Variants in ANO1 observed in about 807,000 individuals in gnomAD.
The protein encoded by ANO1 is anoctamin 1.
In ANO1, 59 loss-of-function variants were observed where a neutral mutation model predicts 124.0. That is an observed-to-expected ratio of 0.48 (90% CI 0.39 to 0.59). ANO1 has a LOEUF of 0.59. ANO1 is among the 20% of genes least tolerant of loss of function. The pLI, the probability that ANO1 is intolerant of heterozygous loss-of-function variation, is 0.00. For missense variants in ANO1, 1,059 were observed against 1,328.0 expected, an observed-to-expected ratio of 0.80 and a Z score of 3.15; for synonymous variants, 529 against 532.0, an observed-to-expected ratio of 0.99 and a Z score of 0.08.
chr11:70,154,102 C>T (rs2047711094), intron 14 of ANO1, among the ~76,000 whole-genome samples: 1 of 152,094 alleles, frequency 6.6e-6, no homozygotes, highest in Non-Finnish European at 1.5e-5. Context: ...TGATGTGGGA[C>T]AAGCAGGCAT....
intron 1 of ANO1, among the ~76,000 whole-genome samples, chr11:69,988,002 A>G (rs1856081642): frequency 6.6e-6 from 1 of 152,130 alleles, no homozygotes; most frequent in South Asian, 2.1e-4. Context: ...TGTGGGTAGC[A>G]GCCGTGTCAG....
chr11:70,043,147 A>T (rs1168188362), intron 1 of ANO1, among the ~76,000 whole-genome samples: 2 of 152,246 alleles, frequency 1.3e-5, no homozygotes, highest in African/African-American at 2.4e-5. Context: ...TAAGGAAAAG[A>T]ATGAAAGCTA....
chr11:70,147,785 C>T (rs974600231), intron 11 of ANO1, among the ~76,000 whole-genome samples: 2 of 152,174 alleles, frequency 1.3e-5, no homozygotes, highest in South Asian at 2.1e-4. Flanking sequence ...CAATTTCTGG[C>T]TCCAGCATTG....
At chr11:70,050,162 T>C (rs1223841463) in intron 1 of ANO1, among the ~76,000 whole-genome samples, 2 of 152,178 alleles carry the variant, frequency 1.3e-5, no homozygotes, top group African/African-American at 4.8e-5. Flanking sequence ...TCCCTTCACC[T>C]GGAAACCCCT....
intron 2 of ANO1, among the ~76,000 whole-genome samples, chr11:70,094,568 C>A (rs1324608016): frequency 6.6e-6 from 1 of 152,194 alleles, no homozygotes; most frequent in Non-Finnish European, 1.5e-5. Context: ...CTACCAGAAC[C>A]ATGAGTAGGT....
intron 22 of ANO1, 54 bp from the exon 23 acceptor site, chr11:70,179,950 T>C: frequency 6.5e-7 from 1 of 1,536,804 alleles, no homozygotes; most frequent in Non-Finnish European, 9.0e-7. Context: ...GCCTGGTAGC[T>C]GGAATGACTG....
intron 1 of ANO1, chr11:70,016,368 G>C (rs1308094525): frequency 6.6e-6 from 1 of 152,250 alleles, no homozygotes; most frequent in African/African-American, 2.4e-5. Context: ...CAAAAGTAAT[G>C]GAATTTGAGA....
chr11:70,012,689 C>T (rs781927594), intron 1 of ANO1, among the ~76,000 whole-genome samples: 3 of 146,646 alleles, frequency 2.0e-5, no homozygotes, highest in Admixed American at 1.3e-4. Flanking sequence ...CCGTCCTTTC[C>T]TTCATCCATC....
intron 4 of ANO1, among the ~76,000 whole-genome samples, chr11:70,104,912 G>T (rs1365921355): frequency 2.6e-5 from 4 of 152,136 alleles, no homozygotes; most frequent in South Asian, 2.1e-4. Flanking sequence ...AATGTAGTAG[G>T]GGTGGAGCCA....
chr11:70,154,089 A>G (rs1411410569), intron 14 of ANO1, among the ~76,000 whole-genome samples: 1 of 152,052 alleles, frequency 6.6e-6, no homozygotes, highest in African/African-American at 2.4e-5. Context: ...GGTGTTTTTC[A>G]CATGATGTGG....
At chr11:69,967,665 G>A in the ANO1 span, among the ~76,000 whole-genome samples, 1 of 152,186 alleles carries the variant, frequency 6.6e-6, no homozygotes, top group Non-Finnish European at 1.5e-5. Flanking sequence ...TGCTGTCACG[G>A]CCCCCGTTTA....
In ANO1 at chr11:70,097,194, G is replaced by A. The variant is rs1590721237; in HGVS notation, c.442-5872G>A. Among the ~76,000 whole-genome samples, 4 of 152,316 alleles carry A rather than the reference G, an allele frequency of 2.6e-5. No homozygotes were observed. In the East Asian group the frequency reaches 7.7e-4, roughly 29 times the overall value. On this transcript the variant is annotated intron_variant, in intron 2 of 25. Coordinates refer to ENST00000355303, the MANE Select transcript of ANO1 (RefSeq NM_018043.7). ...GACCAGACCCCATGGCAAGGGCTGGGATTAAAGATGTCCACAGCCCAGTCC... is the reference window on the plus strand; with the variant it reads ...GACCAGACCCCATGGCAAGGGCTGGAATTAAAGATGTCCACAGCCCAGTCC...
At chr11:69,987,407 G>A (rs1362468640) in intron 1 of ANO1, among the ~76,000 whole-genome samples, 4 of 152,086 alleles carry the variant, frequency 2.6e-5, no homozygotes, top group Admixed American at 2.0e-4. Flanking sequence ...CCCTGTAAAG[G>A]GGTGTATAAT....
chr11:70,158,040 A>G (rs1199523810), intron 16 of ANO1, among the ~76,000 whole-genome samples: 1 of 151,786 alleles, frequency 6.6e-6, no homozygotes, highest in Non-Finnish European at 1.5e-5. Context: ...ACATGACTTG[A>G]GCCCTGATAC....
At chr11:70,001,438 A>G (rs1856379798) in intron 1 of ANO1, among the ~76,000 whole-genome samples, 1 of 152,154 alleles carries the variant, frequency 6.6e-6, no homozygotes, top group African/African-American at 2.4e-5. Context: ...CCACACTCAG[A>G]CACGAGGATG....
At chr11:70,118,202 TC>T (rs2046071926) in intron 8 of ANO1, among the ~76,000 whole-genome samples, 1 of 125,276 alleles carries the variant, frequency 8.0e-6, no homozygotes, top group African/African-American at 3.1e-5. Flanking sequence ...CTCTTCCCCC[TC>T]CTCCCCCTCC....
intron 1 of ANO1, among the ~76,000 whole-genome samples, chr11:70,033,532 G>A (rs144231458): frequency 2.4e-4 from 36 of 152,224 alleles, no homozygotes; most frequent in Middle Eastern, 3.4e-3. Context: ...AGCCTGAGGC[G>A]TCTATGAGGA....
rs1432604573 is a variant in ANO1 at position 70,107,490 on chromosome 11, C to CGGGGGGGGGG, written c.748-861_748-860insGGGGGGGGGG. Among the ~76,000 whole-genome samples, 244 of 62,998 alleles carry CGGGGGGGGGG rather than the reference C, an allele frequency of 3.9e-3. 3 individuals are homozygous for CGGGGGGGGGG. Among genetic ancestry groups the CGGGGGGGGGG allele is most frequent in the Middle Eastern group, 8.3e-3 (1 of 120 alleles). 41.3% of individuals were successfully genotyped at this position (62,998 alleles called of 152,430 possible). The stretch of plus-strand genomic sequence containing the variant: ...TTGGGACAGGTGGGTCCAGTGGAGG[C>CGGGGGGGGGG]GGCGGGGCGGGGAAGCGGTCAGATG... On this transcript the variant is annotated intron_variant, in intron 5 of 25. Coordinates refer to ENST00000355303, the MANE Select transcript of ANO1 (RefSeq NM_018043.7).
chr11:70,088,026 G>A lies in ANO1; in HGVS notation c.383G>A (p.Arg128Lys). 6.6e-7 allele frequency: 1 copy of A among 1,519,786 alleles called. No homozygotes were observed. The highest frequency in any genetic ancestry group is 1.3e-5 in the South Asian group (1 of 75,324). The allele number at this position is 1,519,786 out of a possible 1,614,324, so 94.1% of individuals were successfully genotyped here. ...CACGAGGATGACAAGCGCTTCCGCA[G>A]GGAGGAGTACGAGGGCAACCTCCTG... ...DYHEDDKRFR[R>K]EEYEGNLLEA... Residue 128 changes from arginine (R) to lysine (K), a missense_variant, in exon 2 of 26, where the codon AGG becomes AAG. This residue lies in a region of ANO1 where 250 missense variants were observed against 233.1 expected (regional missense o/e 1.07). Coordinates refer to ENST00000355303, the MANE Select transcript of ANO1 (RefSeq NM_018043.7).
Sources: gnomAD v4.1 joint callset for allele counts (sites outside exome capture counted in the v4.1 genomes callset) on GRCh38, gnomAD v4.1.1 for gene constraint, gnomAD v4.1.1 regional missense constraint, MANE v1.5 for transcripts, NCBI Gene and HGNC (gene_info 2026-07-23, HGNC 2026-07-21) for gene names.